The following FARS2 variants were observed in gnomAD, a reference collection of about 807,000 sequenced individuals.
FARS2 encodes the protein phenylalanine--tRNA ligase, mitochondrial.
FARS2 carries 40 observed loss-of-function variants against 46.4 expected under a neutral mutation model. That is an observed-to-expected ratio of 0.86 (90% CI 0.67 to 1.12). FARS2 has a LOEUF of 1.12. Ranked by LOEUF, FARS2 falls within the 50% of genes most tolerant of loss-of-function variation. The pLI is 0.00. For missense variants in FARS2, 513 were observed against 567.9 expected, an observed-to-expected ratio of 0.90 and a Z score of 0.98; for synonymous variants, 234 against 214.9, an observed-to-expected ratio of 1.09 and a Z score of -0.78.
chr6:5,546,539 T>A (rs553569615), intron 5 of FARS2, among the ~76,000 whole-genome samples: 1 of 151,904 alleles, frequency 6.6e-6, no homozygotes, highest in Non-Finnish European at 1.5e-5. Flanking sequence ...AGTGAGCCAC[T>A]GCGCCCAGCC....
intron 1 of FARS2, among the ~76,000 whole-genome samples, chr6:5,316,376 G>A (rs1769519781): frequency 6.6e-6 from 1 of 152,182 alleles, no homozygotes; most frequent in Non-Finnish European, 1.5e-5. Context: ...ACATTAATAA[G>A]CCAAAATATT....
intron 3 of FARS2, among the ~76,000 whole-genome samples, chr6:5,423,058 G>A (rs1762644963): frequency 6.6e-6 from 1 of 151,792 alleles, no homozygotes; most frequent in South Asian, 2.1e-4. Flanking sequence ...ATCTGTGCTG[G>A]CTCTTAGATC....
rs1581724075 is a variant in FARS2 at position 5,299,164 on chromosome 6, TG to T, written c.-22+37506del. On this transcript the variant is annotated intron_variant, in intron 1 of 6. Transcript: ENST00000274680. ...AGCTTTAGCTCACTTTGGGTTTTGA[TG>T]GCAGTTTCATTTTATAAACTGAAGA... 2.6e-5 allele frequency among the ~76,000 whole-genome samples: 4 copies of T among 152,362 alleles called. 1 individual carries two copies. In the East Asian group the frequency reaches 7.7e-4, roughly 29 times the overall value.
intron 2 of FARS2, among the ~76,000 whole-genome samples, chr6:5,370,190 G>A (rs1044087132): frequency 6.6e-6 from 1 of 152,092 alleles, no homozygotes; most frequent in Admixed American, 6.5e-5. Flanking sequence ...CCATTGTTCT[G>A]TTGTATTCTA....
At chr6:5,482,555 A>C (rs1766530471) in intron 4 of FARS2, among the ~76,000 whole-genome samples, 2 of 152,136 alleles carry the variant, frequency 1.3e-5, no homozygotes, top group Non-Finnish European at 2.9e-5. Flanking sequence ...GGTATTGAAC[A>C]CTCGAATGCC....
intron 4 of FARS2, among the ~76,000 whole-genome samples, chr6:5,496,381 G>T (rs1347466421): frequency 6.6e-6 from 1 of 152,184 alleles, no homozygotes; most frequent in African/African-American, 2.4e-5. Context: ...AGAGGGAGGA[G>T]CTTTGGGAAA....
At chr6:5,325,393 C>T (rs578136372) in intron 1 of FARS2, among the ~76,000 whole-genome samples, 1 of 152,382 alleles carries the variant, frequency 6.6e-6, no homozygotes, top group African/African-American at 2.4e-5. Flanking sequence ...CTGCCCCCTC[C>T]TGCCATCCAG....
intron 6 of FARS2, among the ~76,000 whole-genome samples, chr6:5,770,359 C>T (rs1042950804): frequency 2.6e-5 from 4 of 152,158 alleles, no homozygotes; most frequent in Non-Finnish European, 4.4e-5. Context: ...TTTCAGTTTC[C>T]TCCCCCAAGG....
chr6:5,722,477 G>A (rs758181424), intron 6 of FARS2, among the ~76,000 whole-genome samples: 7 of 152,210 alleles, frequency 4.6e-5, no homozygotes, highest in African/African-American at 1.4e-4. Context: ...AGGTGGGATG[G>A]CCCTGAAAGG....
At chr6:5,502,874 A>C (rs540894589) in intron 4 of FARS2, among the ~76,000 whole-genome samples, 84 of 152,340 alleles carry the variant, frequency 5.5e-4, no homozygotes, top group Non-Finnish European at 9.0e-4. Context: ...AGATACTTCA[A>C]ATAGAAAATC....
At chr6:5,534,499 G>A (rs973602032) in intron 4 of FARS2, among the ~76,000 whole-genome samples, 8 of 152,072 alleles carry the variant, frequency 5.3e-5, no homozygotes, top group African/African-American at 1.4e-4. Flanking sequence ...GATATTTCAC[G>A]TAAGGGAAAG....
intron 6 of FARS2, among the ~76,000 whole-genome samples, chr6:5,655,136 T>G (rs2150768695): frequency 6.6e-6 from 1 of 152,308 alleles, no homozygotes; most frequent in East Asian, 1.9e-4. Context: ...GGTGAGGGGT[T>G]GGTGGCCCCA....
rs191847270 is a variant in FARS2, at chr6:5,627,964, G to A, written c.1217+14644G>A. Among the ~76,000 whole-genome samples, 190 of 146,128 alleles carry A rather than the reference G, an allele frequency of 1.3e-3. 1 individual carries two copies. The highest frequency in any genetic ancestry group is 3.4e-3 in the Admixed American group (51 of 14,996). ...GAAGTTGGGTCCTAAGTAAATTGATGATTTAAAAATTATTTGGTGCAGGCC... is the reference window on the plus strand; with the variant it reads ...GAAGTTGGGTCCTAAGTAAATTGATAATTTAAAAATTATTTGGTGCAGGCC... On this transcript the variant is annotated intron_variant, in intron 6 of 6. Coordinates refer to ENST00000274680, the MANE Select transcript of FARS2 (RefSeq NM_006567.5).
In FARS2 at chr6:5,491,423, C is replaced by T. The variant is rs550963314; in HGVS notation, c.905-53757C>T. ...TTGCGGTAACTTTCTAGCAGCATTT[C>T]GATCATACTTAGCTTTAAGTTCTCC... On this transcript the variant is annotated intron_variant, in intron 4 of 6. Transcript: ENST00000274680. 1.4e-3 allele frequency among the ~76,000 whole-genome samples: 218 copies of T among 152,254 alleles called. 4 individuals carry two copies. The highest frequency in any genetic ancestry group is 0.014 in the Admixed American group (211 of 15,306).
chr6:5,563,286 T>G (rs1277533250), intron 5 of FARS2, among the ~76,000 whole-genome samples: 2 of 151,996 alleles, frequency 1.3e-5, no homozygotes, highest in African/African-American at 4.8e-5. Context: ...CAGGGCACAA[T>G]AATGTTATAT....
intron 1 of FARS2, chr6:5,272,380 AAAT>A (rs1456674662): frequency 1.3e-5 from 2 of 152,176 alleles, no homozygotes; most frequent in South Asian, 2.1e-4. Context: ...TCTTTCCAAA[AAAT>A]AATAATAACC....
chr6:5,341,103 G>A (rs1202483473), intron 1 of FARS2, among the ~76,000 whole-genome samples: 5 of 147,958 alleles, frequency 3.4e-5, no homozygotes, highest in South Asian at 2.2e-4. Context: ...AGCCGAGATC[G>A]TGCTGCTGCA....
intron 4 of FARS2, among the ~76,000 whole-genome samples, chr6:5,539,629 T>C (rs965533626): frequency 8.6e-5 from 13 of 151,990 alleles, no homozygotes; most frequent in Admixed American, 8.5e-4. Flanking sequence ...TTGGAAGTTG[T>C]ATTTGTGAAG....
At chr6:5,659,019 C>T (rs974438472) in intron 6 of FARS2, among the ~76,000 whole-genome samples, 2 of 152,132 alleles carry the variant, frequency 1.3e-5, no homozygotes, top group Admixed American at 1.3e-4. Context: ...ACTTTGATGC[C>T]CAGTGCCCGC....
Sources: allele counts gnomAD v4.1 joint callset (sites outside exome capture counted in the v4.1 genomes callset), GRCh38; gene constraint gnomAD v4.1.1; transcripts MANE v1.5; gene names NCBI Gene and HGNC (gene_info 2026-07-23, HGNC 2026-07-21).